Variants in LARP4B observed in about 807,000 individuals in gnomAD.
The protein encoded by LARP4B is la-related protein 4B.
Under a neutral mutation model 89.8 loss-of-function variants are expected in LARP4B, and 12 were observed. The ratio of observed to expected loss-of-function variants is 0.13; its 90% CI spans 0.09 to 0.22. LARP4B has a LOEUF of 0.22. Ranked by LOEUF, LARP4B falls within the 10% of genes least tolerant of loss-of-function variation. The probability of loss-of-function intolerance (pLI) is 1.00; values close to 1 mark genes in which losing one functional copy is unlikely to be tolerated. For missense variants in LARP4B, 757 were observed against 947.7 expected (o/e 0.80, Z 2.64); for synonymous variants, 367 against 363.3 (o/e 1.01, Z -0.12).
intron 1 of LARP4B, among the ~76,000 whole-genome samples, chr10:908,986 C>T (rs957050478): frequency 1.3e-5 from 2 of 152,290 alleles, no homozygotes; most frequent in African/African-American, 2.4e-5. Flanking sequence ...AAACGGCAGG[C>T]GTGGGAGCTA....
the LARP4B span, among the ~76,000 whole-genome samples, chr10:982,531 A>G: frequency 3.3e-5 from 5 of 152,254 alleles, no homozygotes; most frequent in Non-Finnish European, 5.9e-5. Flanking sequence ...ATCTAGATAA[A>G]GCCACATATA....
chr10:836,115 A>G (rs548251643), intron 8 of LARP4B, among the ~76,000 whole-genome samples: 44 of 152,234 alleles, frequency 2.9e-4, no homozygotes, highest in African/African-American at 1.0e-3. Context: ...TGGGTTTACT[A>G]ATCTTATTTT....
chr10:902,178 ATTAACCCTCTGGCTAG>A (rs1836362654), intron 1 of LARP4B, among the ~76,000 whole-genome samples: 1 of 152,234 alleles, frequency 6.6e-6, no homozygotes, highest in South Asian at 2.1e-4. Flanking sequence ...AGATCATCTC[ATTAACCCTCTGGCTAG>A]GAGAGCATTT....
At chr10:837,299 T>G (rs535573672) in intron 7 of LARP4B, among the ~76,000 whole-genome samples, 2 of 152,322 alleles carry the variant, frequency 1.3e-5, no homozygotes, top group Admixed American at 1.3e-4. Flanking sequence ...TGCTGAAAAC[T>G]GCAAAACACT....
intron 4 of LARP4B, 44 bp downstream of exon 4, chr10:864,079 G>T (rs936981157): frequency 1.9e-5 from 30 of 1,610,932 alleles, no homozygotes; most frequent in Non-Finnish European, 2.4e-5. Flanking sequence ...AAAAGCACAG[G>T]CCTGAAAGCA....
chr10:930,752 C>T (rs888753120), intron 1 of LARP4B, among the ~76,000 whole-genome samples: 2 of 152,196 alleles, frequency 1.3e-5, no homozygotes, highest in African/African-American at 4.8e-5. Context: ...AGTCTATCAA[C>T]AGGAAAACAG....
chr10:876,705 G>A (rs1835466369), intron 3 of LARP4B, among the ~76,000 whole-genome samples: 1 of 148,534 alleles, frequency 6.7e-6, no homozygotes, highest in African/African-American at 2.5e-5. Context: ...AGGCTCCCAG[G>A]CCACTCCCAT....
intron 3 of LARP4B, chr10:873,482 TTC>T: frequency 1.1e-6 from 1 of 907,084 alleles, no homozygotes; most frequent in Non-Finnish European, 1.3e-6. Flanking sequence ...GATTTCAGGC[TTC>T]TGGTTTTTCT....
intron 3 of LARP4B, among the ~76,000 whole-genome samples, chr10:875,540 T>A (rs1259474202): frequency 1.3e-5 from 2 of 152,248 alleles, no homozygotes; most frequent in Admixed American, 1.3e-4. Context: ...TGTGAAACCA[T>A]TCTGTGCTGC....
At chr10:927,972 G>C (rs934472212) in intron 1 of LARP4B, among the ~76,000 whole-genome samples, 29 of 152,126 alleles carry the variant, frequency 1.9e-4, no homozygotes, top group Non-Finnish European at 5.9e-5. Context: ...CAGCACTTTG[G>C]GAGGCCGAGG....
chr10:902,034 G>A (rs564653096), intron 1 of LARP4B, among the ~76,000 whole-genome samples: 16 of 152,026 alleles, frequency 1.1e-4, no homozygotes, highest in African/African-American at 3.4e-4. Flanking sequence ...AAAGGACAAC[G>A]GTCCCCTCCA....
the LARP4B span, among the ~76,000 whole-genome samples, chr10:976,279 G>C: frequency 6.8e-6 from 1 of 146,520 alleles, no homozygotes. Flanking sequence ...GTCACGTAAC[G>C]TGTGGACCCG....
At chr10:908,329 C>G (rs769763667) in intron 1 of LARP4B, among the ~76,000 whole-genome samples, 13 of 152,208 alleles carry the variant, frequency 8.5e-5, no homozygotes, top group Admixed American at 6.5e-5. Flanking sequence ...TCCCCCACAC[C>G]TTGCCCCACA....
intron 1 of LARP4B, among the ~76,000 whole-genome samples, chr10:897,839 T>C (rs140088528): frequency 0.022 from 3,307 of 151,768 alleles, 66 homozygotes; most frequent in Admixed American, 0.065. Flanking sequence ...AATGCAAAAG[T>C]TAGGCAGGCA....
intron 3 of LARP4B, among the ~76,000 whole-genome samples, chr10:874,536 A>G (rs987448883): frequency 6.6e-6 from 1 of 152,238 alleles, no homozygotes; most frequent in African/African-American, 2.4e-5. Flanking sequence ...CCAGTCCCTA[A>G]CTGTGGACTC....
chr10:833,279 A>AAC (rs1833016826), intron 8 of LARP4B, among the ~76,000 whole-genome samples: 1 of 139,484 alleles, frequency 7.2e-6, no homozygotes. Flanking sequence ...AAAAAAAAAA[A>AAC]AAAAACCTCA....
intron 1 of LARP4B, among the ~76,000 whole-genome samples, chr10:909,273 G>T (rs1489314395): frequency 3.1e-5 from 4 of 128,912 alleles, no homozygotes; most frequent in East Asian, 4.6e-4. Flanking sequence ...CAGCCTGGGC[G>T]ACAGAGCACG....
chr10:929,240 AAAC>A (rs1211334932), intron 1 of LARP4B, among the ~76,000 whole-genome samples: 3 of 145,768 alleles, frequency 2.1e-5, no homozygotes, highest in Non-Finnish European at 4.4e-5. Context: ...CAAAACAAAA[AAAC>A]AAAAACAAAA....
At chr10:960,151 G>A in the LARP4B span, among the ~76,000 whole-genome samples, 12 of 152,268 alleles carry the variant, frequency 7.9e-5, no homozygotes, top group Admixed American at 5.9e-4. Flanking sequence ...CATTCTCTAC[G>A]AGTCCAACGA....
Sources: gnomAD v4.1 joint callset for allele counts (sites outside exome capture counted in the v4.1 genomes callset) on GRCh38, gnomAD v4.1.1 for gene constraint, MANE v1.5 for transcripts, NCBI Gene and HGNC (gene_info 2026-07-23, HGNC 2026-07-21) for gene names.